The following NECTIN3 variants were observed in gnomAD, a reference collection of about 807,000 sequenced individuals.
NECTIN3 encodes nectin-3.
Under a neutral mutation model 49.4 loss-of-function variants are expected in NECTIN3, and 8 were observed. That is an observed-to-expected ratio of 0.16 (90% CI 0.10 to 0.29). NECTIN3 has a LOEUF of 0.29. Among genes scored for constraint, NECTIN3 ranks in the 10% least tolerant of loss-of-function variants. The pLI, the probability that NECTIN3 is intolerant of heterozygous loss-of-function variation, is 1.00. For synonymous variants in NECTIN3, 277 were observed against 241.1 expected (o/e 1.15, Z -1.38); for missense variants, 581 against 654.6 (o/e 0.89, Z 1.23).
intron 7 of NECTIN3, among the ~76,000 whole-genome samples, chr3:111,186,997 T>G (rs2035731911): frequency 6.6e-6 from 1 of 152,218 alleles, no homozygotes; most frequent in South Asian, 2.1e-4. Context: ...AATACAGATA[T>G]TTTGTTAATT....
upstream of NECTIN3, among the ~76,000 whole-genome samples, chr3:111,188,537 A>C (rs1230477656): frequency 6.6e-6 from 1 of 152,192 alleles, no homozygotes; most frequent in East Asian, 1.9e-4. Context: ...CTTTACTGTC[A>C]AATTCACCAC....
rs755002724 is a variant in NECTIN3, at chr3:111,133,729, C to T, written c.1164C>T (p.Pro388=). ...TAGCAACAGAACCTAAAAAATTGCC[C>T]TTCCCATTGTCAACTTTGGCAACAA... ...EDLATEPKKL[P]FPLSTLATIK... Residue 388 remains proline (P), a synonymous_variant, in exon 6 of 6, where the codon CCC becomes CCT. Coordinates refer to ENST00000485303, the MANE Select transcript of NECTIN3 (RefSeq NM_015480.3). 56 of 1,613,828 alleles carry T rather than the reference C, an allele frequency of 3.5e-5. No homozygotes were observed. The highest frequency in any genetic ancestry group is 5.0e-5 in the Admixed American group (3 of 59,974).
intron 7 of NECTIN3, among the ~76,000 whole-genome samples, chr3:111,158,107 TTGTC>T (rs2035134299): frequency 6.6e-6 from 1 of 152,244 alleles, no homozygotes; most frequent in African/African-American, 2.4e-5. Context: ...GAATTAAACA[TTGTC>T]TTATGGTTGC....
intron 7 of NECTIN3, among the ~76,000 whole-genome samples, chr3:111,164,088 AT>A (rs1382221383): frequency 1.3e-5 from 2 of 152,144 alleles, no homozygotes; most frequent in African/African-American, 4.8e-5. Flanking sequence ...GTATTTCATA[AT>A]TGATATATTG....
rs1467621832 is a variant in NECTIN3, at chr3:111,134,021, T to C, written c.1456T>C (p.Tyr486His). 8.7e-6 allele frequency: 14 copies of C among 1,612,448 alleles called. No homozygotes were observed. The highest frequency in any genetic ancestry group is 2.7e-5 in the African/African-American group (2 of 74,762). The change falls in exon 6 of 6, where the codon TAT (tyrosine) becomes CAT (histidine). Residue 486 changes from tyrosine to histidine, a missense_variant. By Grantham distance (83) the Tyr-to-His change is moderately conservative. Transcript: ENST00000485303. ...AGTGAACAATCTAATACGTAAAGAC[T>C]ATTTAGAAGAGCCTGAAAAAACTCA... ...NPVNNLIRKD[Y>H]LEEPEKTQWN...
chr3:111,135,766 G>A lies in NECTIN3; in HGVS notation c.*1551G>A, dbSNP rs748514368. The A allele has an allele frequency of 2.1e-6, 2 of 958,098 alleles. No homozygotes were observed. Among genetic ancestry groups the A allele is most frequent in the African/African-American group, 1.8e-5 (1 of 56,382 alleles). 59.3% of individuals were successfully genotyped at this position (958,098 alleles called of 1,614,324 possible). ...GGGGGCAAAATTCTAACATGTTCAT[G>A]GTATCTTGCAAATAGTGAAAGCTTT... On this transcript the variant is annotated 3_prime_UTR_variant, in exon 6 of 6. Transcript: ENST00000485303.
chr3:111,156,588 G>A (rs1489994674), intron 7 of NECTIN3, among the ~76,000 whole-genome samples: 2 of 152,036 alleles, frequency 1.3e-5, no homozygotes, highest in Non-Finnish European at 2.9e-5. Flanking sequence ...TCATGACCAC[G>A]GTTTATTCTT....
chr3:111,123,885 G>A (rs541554099), intron 4 of NECTIN3, among the ~76,000 whole-genome samples: 13 of 152,214 alleles, frequency 8.5e-5, no homozygotes, highest in African/African-American at 3.1e-4. Context: ...GCATCCCTGG[G>A]TTGAGAAACA....
Position 111,150,486 on chromosome 3 carries a change from T to C in NECTIN3, c.1221+3002T>C, listed in dbSNP as rs984925912. Among the ~76,000 whole-genome samples, 6 of 152,092 alleles carry C rather than the reference T, an allele frequency of 3.9e-5. No homozygotes were observed. In the South Asian group the frequency reaches 1.2e-3, roughly 31 times the overall value. On this transcript the variant is annotated intron_variant, in intron 7 of 8. Transcript: ENST00000493615. ...ACAAATATGTATATTTGTGTATGTG[T>C]GTGTAATTTTTCTATGTGATGAAAT...
In NECTIN3 at chr3:111,184,592, G is replaced by A. The variant is rs556348075; in HGVS notation, c.1222-7759G>A. On this transcript the variant is annotated intron_variant, in intron 7 of 8. Transcript: ENST00000493615. ...CTATTGTTTACAGATTACCCAGTCC[G>A]TGGTATTCTGTTATAGCAACACAAA... Among the ~76,000 whole-genome samples the A allele has an allele frequency of 6.6e-5, 10 of 152,252 alleles. No homozygotes were observed. In the East Asian group the frequency reaches 9.7e-4, roughly 15 times the overall value.
intron 1 of NECTIN3, among the ~76,000 whole-genome samples, chr3:111,105,330 G>A (rs970042584): frequency 6.6e-6 from 1 of 151,498 alleles, no homozygotes; most frequent in African/African-American, 2.4e-5. Flanking sequence ...ATGGGGTTTG[G>A]CCATATTGCC....
intron 1 of NECTIN3, among the ~76,000 whole-genome samples, chr3:111,073,693 C>G (rs1042326038): frequency 6.6e-6 from 1 of 152,082 alleles, no homozygotes; most frequent in African/African-American, 2.4e-5. Context: ...GGGACCTTAC[C>G]AGTTTACTAT....
At position 111,167,967 on chromosome 3, in the gene NECTIN3, A is replaced by AT. The variant is rs554735951; in HGVS notation, c.1221+20490dup. Among the ~76,000 whole-genome samples the AT allele has an allele frequency of 8.5e-5, 13 of 152,130 alleles. No homozygotes were observed. The South Asian group carries it at 2.7e-3, about 32-fold the overall frequency. On this transcript the variant is annotated intron_variant, in intron 7 of 8. Coordinates refer to the NECTIN3 transcript ENST00000493615. Reference sequence around the variant, plus strand: ...GGACTAGAAGTGTTTTGGATTTCAGATTTTTTTATTTCAGACTTCAGAATA... The same window carrying AT: ...GGACTAGAAGTGTTTTGGATTTCAGATTTTTTTTATTTCAGACTTCAGAATA...
chr3:111,077,692 A>C (rs1308062634), intron 1 of NECTIN3, among the ~76,000 whole-genome samples: 1 of 152,180 alleles, frequency 6.6e-6, no homozygotes, highest in Non-Finnish European at 1.5e-5. Context: ...TCTCTTGACA[A>C]GTGCTATTTA....
chr3:111,151,561 A>C (rs1334013847), intron 7 of NECTIN3, among the ~76,000 whole-genome samples: 1 of 151,864 alleles, frequency 6.6e-6, no homozygotes, highest in Non-Finnish European at 1.5e-5. Flanking sequence ...TTTTTTCTGC[A>C]GTGCCTTTCC....
chr3:111,116,390 C>T (rs1378876804), intron 2 of NECTIN3, among the ~76,000 whole-genome samples: 1 of 152,066 alleles, frequency 6.6e-6, no homozygotes, highest in Non-Finnish European at 1.5e-5. Flanking sequence ...AAATCCATAG[C>T]CTAGGAATTA....
chr3:111,114,126 CTGTT>C (rs762983245), intron 2 of NECTIN3, among the ~76,000 whole-genome samples: 160 of 152,260 alleles, frequency 1.1e-3, no homozygotes, highest in Non-Finnish European at 1.6e-3. Context: ...AAAATCCAGG[CTGTT>C]TGTTACAAGA....
intron 1 of NECTIN3, among the ~76,000 whole-genome samples, chr3:111,100,742 A>G (rs1203950375): frequency 1.3e-5 from 2 of 152,082 alleles, no homozygotes; most frequent in Non-Finnish European, 2.9e-5. Context: ...AAATTATTTT[A>G]AAAATAATTC....
chr3:111,105,897 G>A (rs931142026), intron 1 of NECTIN3, among the ~76,000 whole-genome samples: 19 of 151,302 alleles, frequency 1.3e-4, no homozygotes, highest in African/African-American at 3.2e-4. Context: ...TCTGTAAGGT[G>A]TCGTCTCTAT....
Sources: allele counts gnomAD v4.1 joint callset (sites outside exome capture counted in the v4.1 genomes callset), GRCh38; gene constraint gnomAD v4.1.1; transcripts MANE v1.5; gene names NCBI Gene and HGNC (gene_info 2026-07-23, HGNC 2026-07-21).